CATSPERT: variants seen among roughly 807,000 people sequenced by gnomAD.
CATSPERT encodes catsper channel auxiliary subunit tau.
chr2:201,487,945 T>G, the CATSPERT span: 4 of 1,487,550 alleles, frequency 2.7e-6, no homozygotes, highest in Non-Finnish European at 3.6e-6. Context: ...ATTAGGTTTC[T>G]TAAAAGTAGG....
the CATSPERT span, among the ~76,000 whole-genome samples, chr2:201,515,201 AGTTTTTTTTTTTTTTTTTTTTTTT>A: frequency 0.01 from 722 of 70,264 alleles, 113 homozygotes; most frequent in East Asian, 0.045. Flanking sequence ...ATCTGCCCAT[AGTTTTTTTTTTTTTTTTTTTTTTT>A]TTTTTTTTTT....
chr2:201,553,659 C>T, the CATSPERT span: 1 of 152,294 alleles, frequency 6.6e-6, no homozygotes, highest in African/African-American at 2.4e-5. Context: ...GACTTCCAAT[C>T]AGTTAGCTTC....
the CATSPERT span, among the ~76,000 whole-genome samples, chr2:201,488,068 G>A: frequency 3.3e-5 from 5 of 152,164 alleles, no homozygotes; most frequent in East Asian, 3.8e-4. Context: ...AACACTGAAC[G>A]TTTCTTAGGC....
At chr2:201,587,724 A>C in the CATSPERT span, among the ~76,000 whole-genome samples, 1 of 152,100 alleles carries the variant, frequency 6.6e-6, no homozygotes. Context: ...ATGGATTTTT[A>C]ATCAATTTGG....
chr2:201,603,209 C>G, the CATSPERT span: 2 of 1,606,112 alleles, frequency 1.2e-6, no homozygotes. Context: ...ATTCTTAAAT[C>G]AAAAGAAAGG....
At chr2:201,520,218 T>C in the CATSPERT span, among the ~76,000 whole-genome samples, 1 of 152,134 alleles carries the variant, frequency 6.6e-6, no homozygotes, top group South Asian at 2.1e-4. Flanking sequence ...AATACGATAA[T>C]AGATGGAGAC....
chr2:201,577,748 G>A, the CATSPERT span, among the ~76,000 whole-genome samples: 1 of 152,178 alleles, frequency 6.6e-6, no homozygotes, highest in East Asian at 1.9e-4. Flanking sequence ...TAGGAATGGA[G>A]AAAGGGAAGA....
the CATSPERT span, among the ~76,000 whole-genome samples, chr2:201,577,513 A>G: frequency 8.5e-5 from 13 of 152,244 alleles, no homozygotes; most frequent in Non-Finnish European, 1.5e-4. Flanking sequence ...GAACAGATGA[A>G]TATGTGCTGT....
chr2:201,559,053 G>A, the CATSPERT span, among the ~76,000 whole-genome samples: 2 of 152,152 alleles, frequency 1.3e-5, no homozygotes, highest in African/African-American at 2.4e-5. Flanking sequence ...CCCCCAAGCC[G>A]AAGAGACTCT....
At chr2:201,588,114 G>A in the CATSPERT span, among the ~76,000 whole-genome samples, 1 of 152,108 alleles carries the variant, frequency 6.6e-6, no homozygotes, top group Non-Finnish European at 1.5e-5. Flanking sequence ...CCCCAAAATT[G>A]AGCAGAAGGG....
the CATSPERT span, chr2:201,582,055 C>T: frequency 3.2e-6 from 5 of 1,584,626 alleles, no homozygotes; most frequent in Non-Finnish European, 4.3e-6. Flanking sequence ...AACCAACTGG[C>T]AACGTGATAC....
At chr2:201,613,228 G>A in the CATSPERT span, among the ~76,000 whole-genome samples, 1 of 152,242 alleles carries the variant, frequency 6.6e-6, no homozygotes, top group Non-Finnish European at 1.5e-5. Context: ...CGGAGTTTGA[G>A]ATCTGAGAAT....
the CATSPERT span, among the ~76,000 whole-genome samples, chr2:201,595,543 C>T: frequency 7.4e-4 from 113 of 152,160 alleles, no homozygotes; most frequent in African/African-American, 2.5e-3. Context: ...TTGGAGTACT[C>T]GGCCGTGTGA....
At chr2:201,562,522 A>T in the CATSPERT span, among the ~76,000 whole-genome samples, 1,367 of 113,304 alleles carry the variant, frequency 0.012, 22 homozygotes, top group African/African-American at 0.034. Flanking sequence ...TTATTTATTT[A>T]TTTATTTTTT....
At chr2:201,581,587 TATATATAC>T in the CATSPERT span, among the ~76,000 whole-genome samples, 330 of 74,026 alleles carry the variant, frequency 4.5e-3, 44 homozygotes, top group East Asian at 0.029. Context: ...TATATATATA[TATATATAC>T]ACATACATAT....
the CATSPERT span, among the ~76,000 whole-genome samples, chr2:201,594,747 A>C: frequency 6.6e-6 from 1 of 151,954 alleles, no homozygotes; most frequent in Non-Finnish European, 1.5e-5. Context: ...CATTGCTGAT[A>C]CCTTTTCTTC....
At chr2:201,562,856 C>A in the CATSPERT span, among the ~76,000 whole-genome samples, 24 of 126,084 alleles carry the variant, frequency 1.9e-4, no homozygotes, top group African/African-American at 4.8e-4. Flanking sequence ...CAACAGGATC[C>A]CAAGGCAGAA....
the CATSPERT span, among the ~76,000 whole-genome samples, chr2:201,587,244 G>T: frequency 6.6e-6 from 1 of 151,886 alleles, no homozygotes; most frequent in South Asian, 2.1e-4. Context: ...TTGTCTTTTG[G>T]ATAAATTTTT....
At chr2:201,597,018 C>G in the CATSPERT span, among the ~76,000 whole-genome samples, 1 of 152,152 alleles carries the variant, frequency 6.6e-6, no homozygotes. Flanking sequence ...TATGAATGAA[C>G]ATTATAAATG....
Sources: gnomAD v4.1 joint callset for allele counts (sites outside exome capture counted in the v4.1 genomes callset) on GRCh38, gnomAD v4.1.1 for gene constraint, MANE v1.5 for transcripts, NCBI Gene and HGNC (gene_info 2026-07-23, HGNC 2026-07-21) for gene names.